Variants in SNX15 observed in about 807,000 individuals in gnomAD.
The protein encoded by SNX15 is sorting nexin 15.
SNX15 carries 29 observed loss-of-function variants against 35.2 expected under a neutral mutation model. The ratio of observed to expected loss-of-function variants is 0.82; its 90% confidence interval spans 0.61 to 1.12. The LOEUF (loss-of-function observed/expected upper bound fraction) is 1.12, where lower values mean the gene tolerates loss of function less well. Among genes scored for constraint, SNX15 ranks in the 50% most tolerant of loss-of-function variants. The probability of loss-of-function intolerance (pLI) is 0.00; values close to 1 mark genes in which losing one functional copy is unlikely to be tolerated. For missense variants in SNX15, 400 were observed against 451.5 expected (o/e 0.89, Z 1.03); for synonymous variants, 189 against 188.2 (o/e 1.00, Z -0.03).
chr11:65,038,196 G>A (rs905890770), intron 6 of SNX15: 10 of 863,068 alleles, frequency 1.2e-5, no homozygotes, highest in Non-Finnish European at 1.4e-5. Flanking sequence ...AAGTCTTGGA[G>A]CATTTCTACC....
intron 7 of SNX15, 80 bp from the exon 8 acceptor site, chr11:65,039,606 G>A (rs1252242024): frequency 1.7e-5 from 14 of 809,572 alleles, no homozygotes; most frequent in Middle Eastern, 4.5e-4. Flanking sequence ...GATGCTCTGC[G>A]AATTGTAAAG....
rs749808144 is a variant in SNX15, at chr11:65,035,529, C to CA, written c.531dup (p.Pro178ThrfsTer14). 49 of 1,596,474 alleles carry CA rather than the reference C, an allele frequency of 3.1e-5. No individual in the cohort carries two copies. Among genetic ancestry groups the CA allele is most frequent in the Non-Finnish European group, 1.7e-6 (2 of 1,173,562 alleles). ...CTTATCTCTTCCTCAGTGGACCCCCCACCATCCAGCCCTGCCCAGGAGGCC... is the reference window on the plus strand; with the variant it reads ...CTTATCTCTTCCTCAGTGGACCCCCCAACCATCCAGCCCTGCCCAGGAGGCC... On this transcript the variant is annotated frameshift_variant, in exon 6 of 8. Coordinates refer to ENST00000377244, the MANE Select transcript of SNX15 (RefSeq NM_013306.5). LOFTEE classifies it high-confidence loss of function.
intron 1 of SNX15, among the ~76,000 whole-genome samples, chr11:65,031,908 A>AG (rs1171180972): frequency 6.6e-6 from 1 of 152,088 alleles, no homozygotes; most frequent in Non-Finnish European, 1.5e-5. Flanking sequence ...AAAAAAAAAA[A>AG]GTTGGGCTGA....
At position 65,032,557 on chromosome 11, in the gene SNX15, T is replaced by C; in HGVS notation, c.256+6T>C. 3.7e-6 allele frequency: 6 copies of C among 1,613,622 alleles called. No individual in the cohort carries two copies. The highest frequency in any genetic ancestry group is 5.1e-6 in the Non-Finnish European group (6 of 1,179,942). On this transcript the variant is annotated splice_donor_region_variant and intron_variant, in intron 3 of 7. Transcript: ENST00000377244. ...CCCCCGGGCCCAGGTGTTTGGTGAG[T>C]GTTAGATTGGGGCACTCGGGCCAAA...
chr11:65,028,502 C>T (rs2507814), intron 1 of SNX15, among the ~76,000 whole-genome samples: 106,438 of 151,962 alleles, frequency 0.7, 38,029 homozygotes, highest in African/African-American at 0.74. Context: ...TTTCCCCAAA[C>T]CGTTTACGTC....
At chr11:65,035,263 GC>G in intron 5 of SNX15, 57 bp downstream of exon 5, 1 of 1,441,680 alleles carries the variant, frequency 6.9e-7, no homozygotes, top group Non-Finnish European at 9.3e-7. Context: ...GGGGAGGGCG[GC>G]CACACTCCCT....
In SNX15 at chr11:65,027,606, G is replaced by A. The variant is rs1241206368; in HGVS notation, c.69G>A (p.Lys23=). 2 of 1,613,984 alleles carry A rather than the reference G, an allele frequency of 1.2e-6. No homozygotes were observed. Among genetic ancestry groups the A allele is most frequent in the African/African-American group, 1.3e-5 (1 of 74,926 alleles). The change falls in exon 1 of 8, where the codon AAG becomes AAA. Residue 23 remains lysine, a synonymous_variant. Coordinates refer to ENST00000377244, the MANE Select transcript of SNX15 (RefSeq NM_013306.5). ...YTVSDPRTHP[K]GYTEYKVTAQ... is the part of the protein sequence containing the mutation. ...TGTCGGACCCCAGGACTCACCCCAA[G>A]GGCTACACCGAGTACAAAGTAACCG...
At chr11:65,027,701 G>A (rs986018113) in intron 1 of SNX15, 65 bp downstream of exon 1, 11 of 1,224,252 alleles carry the variant, frequency 9.0e-6, no homozygotes, top group Admixed American at 8.7e-5. Context: ...TTACCTTAAG[G>A]AAAGGCGGTG....
At chr11:65,039,548 T>A in intron 7 of SNX15, 138 bp from the exon 8 acceptor site, 1 of 599,612 alleles carries the variant, frequency 1.7e-6, no homozygotes, top group South Asian at 2.1e-5. Context: ...ATTTGTAGAC[T>A]GAGGAGAATG....
rs895147076 is a variant in SNX15, at chr11:65,035,214, G to A, written c.520+8G>A. The A allele has an allele frequency of 1.5e-5, 23 of 1,563,990 alleles. No homozygotes were observed. Among genetic ancestry groups the A allele is most frequent in the African/African-American group, 1.1e-4 (8 of 72,838 alleles). ...AGGAATTGGAGGTGCCAGGTACATC[G>A]GGGTGGGAGGAGGGAACCAGGGCTG... On this transcript the variant is annotated splice_region_variant and intron_variant, in intron 5 of 7. Transcript: ENST00000377244.
chr11:65,032,109 G>A (rs1050391083), intron 1 of SNX15, 59 bp from the exon 2 acceptor site: 9 of 1,566,612 alleles, frequency 5.7e-6, no homozygotes, highest in African/African-American at 1.4e-5. Flanking sequence ...GCATTACAGG[G>A]TGAGAGGGTG....
At chr11:65,027,775 G>A in intron 1 of SNX15, 139 bp downstream of exon 1, 2 of 661,938 alleles carry the variant, frequency 3.0e-6, no homozygotes, top group Non-Finnish European at 2.7e-6. Flanking sequence ...GTTGCAGTAC[G>A]AGGCTTAGTT....
At chr11:65,028,352 C>T (rs114236343) in intron 1 of SNX15, among the ~76,000 whole-genome samples, 1,779 of 152,246 alleles carry the variant, frequency 0.012, 29 homozygotes, top group African/African-American at 0.041. Flanking sequence ...AGACTTTTTA[C>T]TGTAAATTTT....
intron 7 of SNX15, among the ~76,000 whole-genome samples, chr11:65,039,425 T>A (rs1946549126): frequency 6.6e-6 from 1 of 151,942 alleles, no homozygotes; most frequent in Non-Finnish European, 1.5e-5. Flanking sequence ...GCTTTCACCA[T>A]GTTGGTCAGG....
At chr11:65,038,861 C>T in intron 7 of SNX15, 32 bp downstream of exon 7, 1 of 1,509,938 alleles carries the variant, frequency 6.6e-7, no homozygotes, top group African/African-American at 1.4e-5. Context: ...AGGGTCAGGC[C>T]TGGGTCCCAG....
chr11:65,032,093 C>A, intron 1 of SNX15, 75 bp from the exon 2 acceptor site: 1 of 1,471,424 alleles, frequency 6.8e-7, no homozygotes, highest in Non-Finnish European at 9.5e-7. Flanking sequence ...CTAGGAGGCA[C>A]CTGGGGCATT....
At chr11:65,039,029 C>CTTTTGTTTTTTTTTTTTTTTTTT (rs1946538143) in intron 7 of SNX15, among the ~76,000 whole-genome samples, 200 bp downstream of exon 7, 1 of 72,528 alleles carries the variant, frequency 1.4e-5, no homozygotes, top group Non-Finnish European at 3.1e-5. Context: ...TCTTCTTCCT[C>CTTTTGTTTTTTTTTTTTTTTTTT]TTTTTTTTTT....
intron 1 of SNX15, among the ~76,000 whole-genome samples, chr11:65,029,109 A>ATAAATAAATAAAT (rs1195299445): frequency 6.6e-6 from 1 of 151,178 alleles, no homozygotes; most frequent in Non-Finnish European, 1.5e-5. Context: ...AAATAAATAA[A>ATAAATAAATAAAT]TAAATAAATA....
At chr11:65,039,255 G>C (rs1049734253) in intron 7 of SNX15, among the ~76,000 whole-genome samples, 2 of 150,070 alleles carry the variant, frequency 1.3e-5, no homozygotes, top group African/African-American at 4.9e-5. Flanking sequence ...ACAGAGTCTC[G>C]CTCTGTCGCC....
Sources: allele counts gnomAD v4.1 joint callset (sites outside exome capture counted in the v4.1 genomes callset), GRCh38; gene constraint gnomAD v4.1.1; transcripts MANE v1.5; gene names NCBI Gene and HGNC (gene_info 2026-07-23, HGNC 2026-07-21).